Variants in BCAS3 observed in about 807,000 individuals in gnomAD.
The protein encoded by BCAS3 is BCAS4/BCAS3 fusion.
In BCAS3, 53 loss-of-function variants were observed where a neutral mutation model predicts 116.1. The ratio of observed to expected loss-of-function variants is 0.46; its 90% CI spans 0.37 to 0.57. BCAS3 has a LOEUF of 0.57. Ranked by LOEUF, BCAS3 falls within the 20% of genes least tolerant of loss-of-function variation. BCAS3 has a pLI of 0.00. For synonymous variants in BCAS3, 391 were observed against 408.2 expected (o/e 0.96, Z 0.51); for missense variants, 917 against 1,165.4 (o/e 0.79, Z 3.10).
intron 22 of BCAS3, among the ~76,000 whole-genome samples, chr17:61,185,295 A>G (rs2079701247): frequency 6.6e-6 from 1 of 152,140 alleles, no homozygotes; most frequent in Non-Finnish European, 1.5e-5. Context: ...TACTTTTCCA[A>G]CTTAAAAAAA....
In BCAS3 at chr17:61,364,267, T is replaced by C. The variant is rs1350306423; in HGVS notation, c.2426-4060T>C. Among the ~76,000 whole-genome samples the C allele has an allele frequency of 6.6e-6, 1 of 152,210 alleles. No homozygotes were observed. Among genetic ancestry groups the C allele is most frequent in the Non-Finnish European group, 1.5e-5 (1 of 68,024 alleles). On this transcript the variant is annotated intron_variant, in intron 22 of 23. Coordinates refer to ENST00000407086, the MANE Select transcript of BCAS3 (RefSeq NM_017679.5). This position sits in a 1 kb window ranked among gnomAD's most constrained non-coding sequence, Gnocchi z 5.4. ...ACCCACTATCAAATTGTGTTTCTCC[T>C]GTGTGCCATCCCGTAAACATGGTGA...
At chr17:60,731,630 A>G (rs893060633) in intron 5 of BCAS3, among the ~76,000 whole-genome samples, 1 of 151,770 alleles carries the variant, frequency 6.6e-6, no homozygotes, top group Non-Finnish European at 1.5e-5. Context: ...TTTTCTTCCT[A>G]TTATGGAAGA....
At chr17:61,296,794 G>A (rs978462719) in intron 22 of BCAS3, among the ~76,000 whole-genome samples, 3 of 152,178 alleles carry the variant, frequency 2.0e-5, no homozygotes, top group South Asian at 4.1e-4. Flanking sequence ...TGCAAAGTCC[G>A]TTTACAAGAG....
chr17:60,887,496 A>G (rs144019975), intron 9 of BCAS3: 53 of 152,342 alleles, frequency 3.5e-4, no homozygotes, highest in African/African-American at 1.2e-3. Flanking sequence ...TTTTATATTT[A>G]AGCCTTTGAT....
At chr17:60,948,126 T>C (rs933501096) in intron 14 of BCAS3, among the ~76,000 whole-genome samples, 1 of 152,014 alleles carries the variant, frequency 6.6e-6, no homozygotes, top group Admixed American at 6.6e-5. Flanking sequence ...TTTTTTTGAG[T>C]TGGAGTCTCG....
intron 7 of BCAS3, among the ~76,000 whole-genome samples, chr17:60,868,246 C>T (rs1442895173): frequency 6.6e-6 from 1 of 151,994 alleles, no homozygotes; most frequent in African/African-American, 2.4e-5. Flanking sequence ...AGGCTGGTCT[C>T]AAACTCCTGA....
chr17:60,711,001 C>T (rs567604601), intron 5 of BCAS3, among the ~76,000 whole-genome samples: 1 of 152,024 alleles, frequency 6.6e-6, no homozygotes, highest in Admixed American at 6.6e-5. Flanking sequence ...CAGGGTCCTA[C>T]TGTGTTGCCC....
At chr17:60,842,503 T>G (rs1352038062) in intron 7 of BCAS3, among the ~76,000 whole-genome samples, 2 of 152,136 alleles carry the variant, frequency 1.3e-5, no homozygotes, top group Non-Finnish European at 2.9e-5. Context: ...GAACAATTTT[T>G]TTTTTCAATT....
At chr17:60,958,710 A>G (rs2061266312) in intron 14 of BCAS3, among the ~76,000 whole-genome samples, 1 of 152,256 alleles carries the variant, frequency 6.6e-6, no homozygotes, top group South Asian at 2.1e-4. Flanking sequence ...TAAAATTCAC[A>G]TGAAAATGCA....
intron 22 of BCAS3, among the ~76,000 whole-genome samples, chr17:61,099,638 A>G (rs2074200930): frequency 2.6e-5 from 4 of 152,250 alleles, no homozygotes; most frequent in South Asian, 2.1e-4. Flanking sequence ...CTTTGATACA[A>G]GCTTTCGTTC....
chr17:60,829,221 G>C (rs2050698244), intron 7 of BCAS3, among the ~76,000 whole-genome samples: 1 of 152,152 alleles, frequency 6.6e-6, no homozygotes, highest in Non-Finnish European at 1.5e-5. Context: ...AGGGTCGGGT[G>C]TGGTGGCTCA....
At chr17:61,155,164 T>G (rs1264510060) in intron 22 of BCAS3, among the ~76,000 whole-genome samples, 1 of 152,166 alleles carries the variant, frequency 6.6e-6, no homozygotes, top group Non-Finnish European at 1.5e-5. Context: ...ACATATGATT[T>G]TTTTTTAAGT....
In BCAS3 at chr17:61,346,059, A is replaced by G. The variant is rs1990293; in HGVS notation, c.2426-22268A>G. 0.67 allele frequency among the ~76,000 whole-genome samples: 101,083 copies of G among 151,994 alleles called. 37,644 individuals are homozygous for G. The highest frequency in any genetic ancestry group is 0.88 in the South Asian group (4,227 of 4,818). On this transcript the variant is annotated intron_variant, in intron 22 of 23. Coordinates refer to ENST00000407086, the MANE Select transcript of BCAS3 (RefSeq NM_017679.5). This position sits in a 1 kb window ranked among gnomAD's most constrained non-coding sequence, Gnocchi z 5.4. ...GTGTTGGCTTGGTCATGCACCTGAC[A>G]TCATACTTTTAGTGCTTGGCAGGAG...
At chr17:61,288,961 A>G (rs550132275) in intron 22 of BCAS3, among the ~76,000 whole-genome samples, 24 of 152,328 alleles carry the variant, frequency 1.6e-4, no homozygotes, top group African/African-American at 4.8e-4. Context: ...AACCAATACA[A>G]TGTTTAAAAT....
intron 22 of BCAS3, among the ~76,000 whole-genome samples, chr17:61,237,264 C>G (rs1232168262): frequency 1.3e-5 from 2 of 152,168 alleles, no homozygotes; most frequent in Non-Finnish European, 2.9e-5. Context: ...TAAAATGCAC[C>G]AATCAGCGCT....
At position 61,021,624 on chromosome 17, in the gene BCAS3, C is replaced by G. The variant is rs2145556943; in HGVS notation, c.1637+5723C>G. 6.6e-6 allele frequency among the ~76,000 whole-genome samples: 1 copy of G among 152,276 alleles called. No individual in the cohort carries two copies. Among genetic ancestry groups the G allele is most frequent in the South Asian group, 2.1e-4 (1 of 4,824 alleles). Reference sequence around the variant, plus strand: ...TTCTACCAGTTCTTTGGTCCCATTTCTAAGCCTCAGGACTGTTGAGCAGCC... The same window carrying G: ...TTCTACCAGTTCTTTGGTCCCATTTGTAAGCCTCAGGACTGTTGAGCAGCC... On this transcript the variant is annotated intron_variant, in intron 16 of 23. Coordinates refer to ENST00000407086, the MANE Select transcript of BCAS3 (RefSeq NM_017679.5). The surrounding 1 kb of genome is among the most constrained non-coding windows in gnomAD (Gnocchi z 4.6).
Position 61,265,319 on chromosome 17 carries a change from G to A in BCAS3, c.2426-103008G>A, listed in dbSNP as rs1281096436. Among the ~76,000 whole-genome samples, 2 of 151,730 alleles carry A rather than the reference G, an allele frequency of 1.3e-5. No individual in the cohort carries two copies. Among genetic ancestry groups the A allele is most frequent in the Non-Finnish European group, 2.9e-5 (2 of 68,000 alleles). Reference sequence around the variant, plus strand: ...CCCGGGAGGTTGAGGCAGGAGAATCGTTCGAACCCGAGAGGCAGAGGTTGC... The same window carrying A: ...CCCGGGAGGTTGAGGCAGGAGAATCATTCGAACCCGAGAGGCAGAGGTTGC... On this transcript the variant is annotated intron_variant, in intron 22 of 23. Transcript: ENST00000407086. This position sits in a 1 kb window ranked among gnomAD's most constrained non-coding sequence, Gnocchi z 4.3.
chr17:60,959,676 T>A (rs1269985422), intron 14 of BCAS3, among the ~76,000 whole-genome samples: 2 of 152,240 alleles, frequency 1.3e-5, no homozygotes, highest in African/African-American at 2.4e-5. Flanking sequence ...TTGTTCAGGA[T>A]GATGTCCAGA....
intron 6 of BCAS3, among the ~76,000 whole-genome samples, chr17:60,798,239 G>A (rs1000586679): frequency 6.6e-6 from 1 of 152,160 alleles, no homozygotes; most frequent in Non-Finnish European, 1.5e-5. Context: ...TCATAAATGT[G>A]TAATGATGCA....
Sources: allele counts gnomAD v4.1 joint callset (sites outside exome capture counted in the v4.1 genomes callset), GRCh38; gene constraint gnomAD v4.1.1; non-coding constraint Gnocchi (gnomAD v3.1); transcripts MANE v1.5; gene names NCBI Gene and HGNC (gene_info 2026-07-23, HGNC 2026-07-21).